Variants in PCNX2 observed in about 807,000 individuals in gnomAD.
PCNX2 encodes pecanex 2, also known as pecanex-like protein 2.
A neutral mutation model predicts 223.8 loss-of-function variants in PCNX2; 168 were observed. That is an observed-to-expected ratio of 0.75 (90% confidence interval 0.66 to 0.85). PCNX2 has a LOEUF of 0.85. PCNX2 is among the 40% of genes least tolerant of loss of function. The pLI, the probability that PCNX2 is intolerant of heterozygous loss-of-function variation, is 0.00. For missense variants in PCNX2, 2,507 were observed against 2,675.5 expected (o/e 0.94, Z 1.39); for synonymous variants, 1,006 against 1,052.6 (o/e 0.96, Z 0.86).
chr1:233,143,693 G>A (rs938724668), intron 19 of PCNX2, among the ~76,000 whole-genome samples: 5 of 152,140 alleles, frequency 3.3e-5, no homozygotes, highest in Non-Finnish European at 5.9e-5. Context: ...ACTAAACTGG[G>A]TTGATTCCAT....
intron 21 of PCNX2, among the ~76,000 whole-genome samples, chr1:233,122,112 G>GGA (rs3033288): frequency 8.9e-4 from 128 of 143,576 alleles, no homozygotes; most frequent in Non-Finnish European, 1.5e-3. Context: ...ACACACAGAG[G>GGA]GAGAGAGAGA....
chr1:233,073,415 A>G (rs1672943692), intron 23 of PCNX2, among the ~76,000 whole-genome samples: 3 of 151,476 alleles, frequency 2.0e-5, no homozygotes. Flanking sequence ...CTTGCTTTGG[A>G]TTTTGTACAC....
At chr1:233,263,268 A>G in intron 1 of PCNX2, 105 bp from the exon 2 acceptor site, 1 of 960,494 alleles carries the variant, frequency 1.0e-6, no homozygotes, top group South Asian at 2.3e-5. Context: ...AAATTAGGCA[A>G]GATTTCAAAT....
chr1:232,986,892 C>T (rs1480485744), intron 32 of PCNX2, among the ~76,000 whole-genome samples: 1 of 152,202 alleles, frequency 6.6e-6, no homozygotes, highest in Non-Finnish European at 1.5e-5. Flanking sequence ...TTACTTCAGG[C>T]GAACCAGGAC....
intron 21 of PCNX2, among the ~76,000 whole-genome samples, chr1:233,098,411 C>T (rs1233494839): frequency 2.0e-5 from 3 of 152,134 alleles, no homozygotes; most frequent in Non-Finnish European, 4.4e-5. Flanking sequence ...TAAGAAAAAC[C>T]AGTAATCAGA....
chr1:233,018,904 G>A, intron 26 of PCNX2: 1 of 985,450 alleles, frequency 1.0e-6, no homozygotes, highest in Non-Finnish European at 1.2e-6. Context: ...TGAGAAAGCA[G>A]AAAACGAATA....
At chr1:233,198,007 G>A (rs1297530218) in intron 15 of PCNX2, among the ~76,000 whole-genome samples, 1 of 152,078 alleles carries the variant, frequency 6.6e-6, no homozygotes, top group Non-Finnish European at 1.5e-5. Flanking sequence ...AGATGCCCCT[G>A]AGGACATTAT....
chr1:233,213,193 A>G (rs1414274188), intron 12 of PCNX2, among the ~76,000 whole-genome samples: 1 of 152,068 alleles, frequency 6.6e-6, no homozygotes, highest in Non-Finnish European at 1.5e-5. Context: ...ACCTCACCCT[A>G]TATATTTTTT....
At chr1:233,297,521 A>T (rs1277197932), upstream of PCNX2, among the ~76,000 whole-genome samples, 1 of 152,210 alleles carries the variant, frequency 6.6e-6, no homozygotes, top group Non-Finnish European at 1.5e-5. Context: ...GTCAATAAGC[A>T]CCAGGGAACT....
intron 21 of PCNX2, among the ~76,000 whole-genome samples, chr1:233,111,794 A>G (rs1202966940): frequency 6.6e-6 from 1 of 152,124 alleles, no homozygotes. Flanking sequence ...TTACAGTTTT[A>G]CTTTTATCTT....
chr1:233,267,621 T>C (rs1212990029), intron 1 of PCNX2, among the ~76,000 whole-genome samples: 1 of 149,518 alleles, frequency 6.7e-6, no homozygotes, highest in African/African-American at 2.5e-5. Flanking sequence ...ATATAGTACA[T>C]GACCTTTTGT....
chr1:233,080,435 C>T (rs958185016), intron 23 of PCNX2, among the ~76,000 whole-genome samples: 2 of 151,620 alleles, frequency 1.3e-5, no homozygotes, highest in Admixed American at 6.6e-5. Flanking sequence ...CACACATGCA[C>T]GCATCTTGTC....
chr1:233,217,754 A>G, intron 12 of PCNX2, 145 bp downstream of exon 12: 1 of 588,254 alleles, frequency 1.7e-6, no homozygotes, highest in African/African-American at 1.9e-5. Flanking sequence ...CCATGCACTT[A>G]TATATATATA....
intron 10 of PCNX2, among the ~76,000 whole-genome samples, chr1:233,218,542 G>A (rs1248971537): frequency 6.6e-6 from 1 of 152,070 alleles, no homozygotes; most frequent in Non-Finnish European, 1.5e-5. Flanking sequence ...GAGCCACCGT[G>A]CCCAGCCAGT....
At chr1:233,205,458 C>A (rs145089453) in intron 13 of PCNX2, among the ~76,000 whole-genome samples, 2,018 of 152,298 alleles carry the variant, frequency 0.013, 22 homozygotes, top group South Asian at 0.038. Flanking sequence ...CTTTGAGAGG[C>A]CAAGGCGGGT....
intron 26 of PCNX2, chr1:233,018,721 G>C: frequency 1.0e-6 from 1 of 972,410 alleles, no homozygotes; most frequent in Non-Finnish European, 1.2e-6. Context: ...GGTGCTCCAG[G>C]CTATTGAGGC....
At chr1:233,302,777 C>A in the PCNX2 span, among the ~76,000 whole-genome samples, 5 of 151,998 alleles carry the variant, frequency 3.3e-5, no homozygotes, top group Admixed American at 2.0e-4. Flanking sequence ...ATTCCTTTGA[C>A]CTATAGATTA....
chr1:233,267,933 A>G (rs1246051491), intron 1 of PCNX2, among the ~76,000 whole-genome samples: 1 of 151,986 alleles, frequency 6.6e-6, no homozygotes, highest in East Asian at 1.9e-4. Context: ...TTTTTTTTTA[A>G]GACAGTCTTG....
chr1:233,064,262 G>A (rs1238331305), intron 23 of PCNX2, among the ~76,000 whole-genome samples: 1 of 152,014 alleles, frequency 6.6e-6, no homozygotes, highest in Non-Finnish European at 1.5e-5. Flanking sequence ...GCAACTCTAG[G>A]GGTTTTACAC....
Sources: allele counts gnomAD v4.1 joint callset (sites outside exome capture counted in the v4.1 genomes callset), GRCh38; gene constraint gnomAD v4.1.1; transcripts MANE v1.5; gene names NCBI Gene and HGNC (gene_info 2026-07-23, HGNC 2026-07-21).